Variants in PARVB observed in about 807,000 individuals in gnomAD.
PARVB encodes beta-parvin.
PARVB carries 46 observed loss-of-function variants against 47.0 expected under a neutral mutation model. The observed-to-expected ratio is 0.98, with a 90% CI of 0.77 to 1.25. The LOEUF (loss-of-function observed/expected upper bound fraction) is 1.25, where lower values mean the gene tolerates loss of function less well. PARVB is among the 50% of genes most tolerant of loss of function. The pLI is 0.00. For missense variants in PARVB, 473 were observed against 471.6 expected (o/e 1.00, Z -0.03); for synonymous variants, 196 against 196.3 (o/e 1.00, Z 0.01).
chr22:44,163,811 G>A, intron 11 of PARVB, 47 bp from the exon 12 acceptor site: 2 of 1,495,326 alleles, frequency 1.3e-6, no homozygotes, highest in Non-Finnish European at 1.8e-6. Flanking sequence ...CCGTGTGTGG[G>A]AACGACTGTT....
At chr22:44,060,510 G>A (rs1040663590) in intron 1 of PARVB, among the ~76,000 whole-genome samples, 11 of 152,068 alleles carry the variant, frequency 7.2e-5, no homozygotes, top group African/African-American at 2.7e-4. Context: ...AAATCCTGGT[G>A]TGTCAGGTCA....
intron 4 of PARVB, among the ~76,000 whole-genome samples, chr22:44,122,254 G>C (rs758498956): frequency 3.3e-4 from 50 of 152,112 alleles, no homozygotes; most frequent in Non-Finnish European, 1.3e-4. Flanking sequence ...ACCTTGAGGG[G>C]CTGAGCCAGG....
intron 8 of PARVB, chr22:44,142,025 T>C (rs2255388): frequency 0.6 from 90,525 of 151,814 alleles, 27,174 homozygotes; most frequent in East Asian, 0.71. Flanking sequence ...CTGTCACCTC[T>C]TCTCCATCTT....
At chr22:44,093,757 T>C (rs540125792) in intron 1 of PARVB, among the ~76,000 whole-genome samples, 171 bp from the exon 2 acceptor site, 2 of 152,340 alleles carry the variant, frequency 1.3e-5, no homozygotes, top group South Asian at 4.1e-4. Flanking sequence ...AATGTATTCT[T>C]GGTTCAGAGC....
chr22:44,140,651 C>G, intron 8 of PARVB: 1 of 513,762 alleles, frequency 1.9e-6, no homozygotes, highest in Non-Finnish European at 3.9e-6. Flanking sequence ...CTGCCCCTTC[C>G]TCTCTCTGCT....
chr22:44,069,968 A>C (rs542380305), intron 1 of PARVB, among the ~76,000 whole-genome samples: 1 of 152,258 alleles, frequency 6.6e-6, no homozygotes, highest in South Asian at 2.1e-4. Flanking sequence ...GGTGCTTTGC[A>C]CTGGGCATGC....
At chr22:44,018,299 G>A (rs963440978) in intron 2 of PARVB, among the ~76,000 whole-genome samples, 2 of 152,146 alleles carry the variant, frequency 1.3e-5, no homozygotes, top group Non-Finnish European at 2.9e-5. Flanking sequence ...CTACTTGGGA[G>A]GCTGAGGCAG....
Position 44,088,435 on chromosome 22 carries a change from C to A in PARVB, c.113-5493C>A, listed in dbSNP as rs188503871. Among the ~76,000 whole-genome samples the A allele has an allele frequency of 5.8e-3, 883 of 152,190 alleles. 3 individuals carry two copies. Among genetic ancestry groups the A allele is most frequent in the African/African-American group, 0.02 (848 of 41,534 alleles). On this transcript the variant is annotated intron_variant, in intron 1 of 12. Coordinates refer to ENST00000338758, the MANE Select transcript of PARVB (RefSeq NM_013327.5). ...GGGCTTCACATCTAACAGCACAGGA[C>A]CAGCCACTCCCTCACAGACTTGTTT...
intron 7 of PARVB, chr22:44,139,742 T>A (rs1169712254): frequency 4.3e-6 from 1 of 231,256 alleles, no homozygotes; most frequent in South Asian, 7.4e-5. Context: ...TGAGCCCCTG[T>A]GCCCGGCCCA....
chr22:44,030,122 G>A (rs986238312), intron 1 of PARVB, among the ~76,000 whole-genome samples: 6 of 152,230 alleles, frequency 3.9e-5, no homozygotes, highest in Admixed American at 6.5e-5. Flanking sequence ...ACACTAAGAC[G>A]CACCAGTGAA....
chr22:43,999,711 G>C (rs1264097509), intron 2 of PARVB: 1 of 1,502,144 alleles, frequency 6.7e-7, no homozygotes, highest in South Asian at 1.1e-5. Flanking sequence ...AAGTGGATGA[G>C]GGCTGGGTGC....
intron 1 of PARVB, among the ~76,000 whole-genome samples, chr22:44,058,806 C>G (rs566683864): frequency 6.6e-6 from 1 of 152,252 alleles, no homozygotes; most frequent in East Asian, 1.9e-4. Context: ...CCACCTGCCT[C>G]AGCCTCCCAA....
chr22:44,152,710 T>C (rs1029692632), intron 10 of PARVB: 2 of 152,210 alleles, frequency 1.3e-5, no homozygotes, highest in Non-Finnish European at 2.9e-5. Flanking sequence ...CCTTAAATTA[T>C]ATTTTTGGGC....
rs1024001864 is a variant in PARVB at position 44,068,783 on chromosome 22, T to C, written c.113-25145T>C. On this transcript the variant is annotated intron_variant, in intron 1 of 12. Coordinates refer to ENST00000338758, the MANE Select transcript of PARVB (RefSeq NM_013327.5). This position sits in a 1 kb window ranked among gnomAD's most constrained non-coding sequence, Gnocchi z 4.1. Reference sequence around the variant, plus strand: ...GAGAGCAAAGGCAGTGGGAGGCCAATGTCTGTTGTTCAGTTTAGCTCTGAG... The same window carrying C: ...GAGAGCAAAGGCAGTGGGAGGCCAACGTCTGTTGTTCAGTTTAGCTCTGAG... 2.6e-5 allele frequency among the ~76,000 whole-genome samples: 4 copies of C among 152,176 alleles called. No homozygotes were observed. Among genetic ancestry groups the C allele is most frequent in the Non-Finnish European group, 4.4e-5 (3 of 68,018 alleles).
intron 4 of PARVB, among the ~76,000 whole-genome samples, chr22:44,122,586 G>GAGAC (rs1569134657): frequency 2.2e-5 from 3 of 134,300 alleles, no homozygotes; most frequent in African/African-American, 6.2e-5. Context: ...GAGAGAGAGA[G>GAGAC]AGAGAGAGAG....
At chr22:44,013,437 ACATCACCCAGCCAGCCTGCTGGTGCCCAT>A (rs2050544402) in intron 2 of PARVB, among the ~76,000 whole-genome samples, 1 of 152,196 alleles carries the variant, frequency 6.6e-6, no homozygotes, top group African/African-American at 2.4e-5. Flanking sequence ...ATCAGGCTGC[ACATCACCCAGCCAGCCTGCTGGTGCCCAT>A]ATGCAGGGGA....
chr22:44,124,638 G>A (rs919983799), intron 4 of PARVB, among the ~76,000 whole-genome samples: 11 of 149,242 alleles, frequency 7.4e-5, no homozygotes, highest in African/African-American at 2.8e-4. Flanking sequence ...CAGTCCCACA[G>A]ACAAGCCCCA....
At chr22:44,128,555 T>C (rs1036558355) in intron 4 of PARVB, among the ~76,000 whole-genome samples, 1 of 152,234 alleles carries the variant, frequency 6.6e-6, no homozygotes, top group Non-Finnish European at 1.5e-5. Context: ...GCCAGTCTCT[T>C]TGGTCTCTGT....
At chr22:44,096,521 G>C (rs1001732087) in intron 2 of PARVB, among the ~76,000 whole-genome samples, 4 of 152,080 alleles carry the variant, frequency 2.6e-5, no homozygotes, top group African/African-American at 9.7e-5. Flanking sequence ...GCGAATATTG[G>C]GGGTCCACTG....
Sources: allele counts gnomAD v4.1 joint callset (sites outside exome capture counted in the v4.1 genomes callset), GRCh38; gene constraint gnomAD v4.1.1; non-coding constraint Gnocchi (gnomAD v3.1); transcripts MANE v1.5; gene names NCBI Gene and HGNC (gene_info 2026-07-23, HGNC 2026-07-21).